Variants in CNGB3 observed in about 807,000 individuals in gnomAD.
CNGB3 encodes the protein cyclic nucleotide-gated channel beta-3.
CNGB3 carries 86 observed loss-of-function variants against 92.8 expected under a neutral mutation model. The observed-to-expected ratio is 0.93, with a 90% CI of 0.78 to 1.11. CNGB3 has a LOEUF of 1.11. Ranked by LOEUF, CNGB3 falls within the 50% of genes least tolerant of loss-of-function variation. The pLI, the probability that CNGB3 is intolerant of heterozygous loss-of-function variation, is 0.00. For missense variants in CNGB3, 1,026 were observed against 956.8 expected (o/e 1.07, Z -0.95); for synonymous variants, 333 against 332.7 (o/e 1.00, Z -0.01).
intron 3 of CNGB3, among the ~76,000 whole-genome samples, chr8:86,682,059 T>C (rs750819936): frequency 3.3e-5 from 5 of 152,210 alleles, no homozygotes; most frequent in Non-Finnish European, 5.9e-5. Context: ...GAAATTTTTC[T>C]TGGTGTAGCA....
rs186342437 is a variant in CNGB3, at chr8:86,720,656, C to T, written c.338+5875G>A. ...GCAATCCCACTACTAGGTATCTACC[C>T]GGAGGAAAAGAAGTCATTATAGCAA... On this transcript the variant is annotated intron_variant, in intron 3 of 17. Transcript: ENST00000320005. Among the ~76,000 whole-genome samples the T allele has an allele frequency of 2.3e-3, 354 of 151,968 alleles. 3 individuals carry two copies. Among genetic ancestry groups the T allele is most frequent in the African/African-American group, 7.9e-3 (327 of 41,454 alleles).
intron 11 of CNGB3, among the ~76,000 whole-genome samples, chr8:86,631,496 G>A (rs906752348): frequency 1.3e-5 from 2 of 152,042 alleles, no homozygotes; most frequent in Non-Finnish European, 2.9e-5. Context: ...TTAAACTGGA[G>A]TTTTCTCATT....
chr8:86,642,491 T>C (rs995154229), intron 10 of CNGB3, among the ~76,000 whole-genome samples: 20 of 151,726 alleles, frequency 1.3e-4, no homozygotes, highest in African/African-American at 4.3e-4. Context: ...TAATCCCTTA[T>C]ACATATCCAA....
intron 3 of CNGB3, among the ~76,000 whole-genome samples, chr8:86,677,582 TCA>T (rs1043673135): frequency 2.0e-5 from 3 of 151,962 alleles, no homozygotes; most frequent in Non-Finnish European, 4.4e-5. Flanking sequence ...AATTGGGAAG[TCA>T]CAACCTTGGA....
chr8:86,682,186 C>A (rs912473475), intron 3 of CNGB3, among the ~76,000 whole-genome samples: 1 of 152,262 alleles, frequency 6.6e-6, no homozygotes, highest in African/African-American at 2.4e-5. Flanking sequence ...GAGACATATG[C>A]TATTTCCACA....
chr8:86,666,832 G>A lies in CNGB3; in HGVS notation c.852+93C>T, dbSNP rs149034610. 9.3e-5 allele frequency: 95 copies of A among 1,022,024 alleles called. No homozygotes were observed. In the African/African-American group the frequency reaches 1.5e-3, roughly 16 times the overall value. The allele number at this position is 1,022,024 out of a possible 1,614,324, so 63.3% of individuals were successfully genotyped here. On this transcript the variant is annotated intron_variant, in intron 6 of 17. Transcript: ENST00000320005. ...TTGCAATTATCCATGCAGATAGCCA[G>A]TCAAACATTAAATAAAACAATGCTG...
intron 7 of CNGB3, among the ~76,000 whole-genome samples, chr8:86,653,578 C>T (rs1823446127): frequency 6.6e-6 from 1 of 152,088 alleles, no homozygotes; most frequent in Non-Finnish European, 1.5e-5. Flanking sequence ...AGGAAAGGAA[C>T]GTTCCATGTT....
intron 2 of CNGB3, among the ~76,000 whole-genome samples, chr8:86,738,313 A>G (rs1825281423): frequency 6.6e-6 from 1 of 152,128 alleles, no homozygotes; most frequent in African/African-American, 2.4e-5. Flanking sequence ...CAGGTGGAGG[A>G]AATTAGATTT....
chr8:86,593,777 T>C lies in CNGB3; in HGVS notation c.1781+10316A>G, dbSNP rs551288395. On this transcript the variant is annotated intron_variant, in intron 15 of 17. Coordinates refer to ENST00000320005, the MANE Select transcript of CNGB3 (RefSeq NM_019098.5). ...GCTCAGGATGCCAGGGCAGTACTTATCAATGAGCCCCTGGTAGTAGGGCCG... is the reference window on the plus strand; with the variant it reads ...GCTCAGGATGCCAGGGCAGTACTTACCAATGAGCCCCTGGTAGTAGGGCCG... The C allele has an allele frequency of 2.6e-4, 342 of 1,326,236 alleles. No individual in the cohort carries two copies. The African/African-American group carries it at 4.9e-3, about 19-fold the overall frequency. 82.2% of individuals were successfully genotyped at this position (1,326,236 alleles called of 1,614,324 possible).
Position 86,628,966 on chromosome 8 carries a change from C to T in CNGB3, c.1433G>A (p.Arg478Gln), listed in dbSNP as rs772270787. The change falls in exon 12 of 18, where the codon CGA (arginine) becomes CAA (glutamine). Residue 478 changes from arginine (R) to glutamine (Q), a missense_variant. Arg to Gln is a conservative substitution (Grantham distance 43). Transcript: ENST00000320005. ...NYSIPKLVQK[R>Q]VRTWYEYTWD... ...TGTATATTCATACCAAGTCCGAACT[C>T]GCTTTTGCACAAGTTTAGGAATGGA... The T allele has an allele frequency of 1.8e-5, 29 of 1,613,944 alleles. No individual in the cohort carries two copies. The highest frequency in any genetic ancestry group is 1.7e-4 in the Middle Eastern group (1 of 6,056).
intron 6 of CNGB3, chr8:86,659,422 C>T (rs1258867821): frequency 1.3e-5 from 9 of 685,872 alleles, no homozygotes; most frequent in Non-Finnish European, 2.4e-5. Context: ...TTTGCAGATC[C>T]TCCAAGTTGA....
At chr8:86,647,380 A>C (rs1429856767) in intron 8 of CNGB3, among the ~76,000 whole-genome samples, 3 of 150,926 alleles carry the variant, frequency 2.0e-5, no homozygotes, top group Non-Finnish European at 4.5e-5. Context: ...TAGAATTACA[A>C]AATTTAAGAT....
intron 15 of CNGB3, among the ~76,000 whole-genome samples, chr8:86,587,712 C>A (rs868361343): frequency 6.7e-6 from 1 of 149,602 alleles, no homozygotes; most frequent in Non-Finnish European, 1.5e-5. Flanking sequence ...TGTTTTGGTA[C>A]CAGTACCATG....
chr8:86,591,885 G>A (rs1373388134), intron 15 of CNGB3, among the ~76,000 whole-genome samples: 1 of 152,168 alleles, frequency 6.6e-6, no homozygotes, highest in Non-Finnish European at 1.5e-5. Context: ...GAGCTTCTGG[G>A]CTGCTTTGTT....
chr8:86,596,438 T>C (rs1295775408), intron 15 of CNGB3, among the ~76,000 whole-genome samples: 1 of 152,192 alleles, frequency 6.6e-6, no homozygotes, highest in East Asian at 1.9e-4. Context: ...CAAAGATAAA[T>C]ATAGCAGTGT....
chr8:86,576,003 C>T lies in CNGB3; in HGVS notation c.2231G>A (p.Arg744Lys), dbSNP rs762489931. ...GKENEDKDKG[R>K]EPEEKPLDRP... ...GTCCAGTGGCTTCTCTTCTGGCTCT[C>T]TTCCTTTATCTTTATCTTCATTTTC... Residue 744 changes from arginine to lysine, a missense_variant, in exon 18 of 18, where the codon AGA becomes AAA. Arg to Lys is a conservative substitution (Grantham distance 26, BLOSUM62 2). Coordinates refer to ENST00000320005, the MANE Select transcript of CNGB3 (RefSeq NM_019098.5). 6.2e-7 allele frequency: 1 copy of T among 1,613,448 alleles called. No homozygotes were observed. Among genetic ancestry groups the T allele is most frequent in the African/African-American group, 1.3e-5 (1 of 74,882 alleles).
rs758570863 is a variant in CNGB3, at chr8:86,611,597, G to C, written c.1653C>G (p.Val551=). The change falls in exon 14 of 18, where the codon GTC becomes GTG. Residue 551 remains valine, a synonymous_variant. Coordinates refer to ENST00000320005, the MANE Select transcript of CNGB3 (RefSeq NM_019098.5). ...AATAGCATGCACTCACCTTTTTGCA[G>C]ACAAAGTCACCAGGCAAATAGAGAA... ...KSVLYLPGDF[V]CKKGEIGKEM... 2 of 1,612,724 alleles carry C rather than the reference G, an allele frequency of 1.2e-6. No homozygotes were observed. Among genetic ancestry groups the C allele is most frequent in the South Asian group, 2.2e-5 (2 of 91,040 alleles).
intron 12 of CNGB3, 74 bp from the exon 13 acceptor site, chr8:86,626,154 A>G: frequency 8.8e-7 from 1 of 1,141,222 alleles, no homozygotes; most frequent in South Asian, 1.3e-5. Flanking sequence ...ACAAGTAGAA[A>G]AATTTTTAAA....
rs368342556 is a variant in CNGB3 at position 86,632,747 on chromosome 8, C to T, written c.1320+5G>A. On this transcript the variant is annotated splice_donor_5th_base_variant and intron_variant, in intron 11 of 17. Transcript: ENST00000320005. ...TGTGTATCCAGTGATTCATACTCAG[C>T]TTACCTGACCAATTAAACTGGAGAA... 2 of 1,612,848 alleles carry T rather than the reference C, an allele frequency of 1.2e-6. No homozygotes were observed. The highest frequency in any genetic ancestry group is 2.7e-5 in the African/African-American group (2 of 74,876).
Sources: allele counts gnomAD v4.1 joint callset (sites outside exome capture counted in the v4.1 genomes callset), GRCh38; gene constraint gnomAD v4.1.1; transcripts MANE v1.5; gene names NCBI Gene and HGNC (gene_info 2026-07-23, HGNC 2026-07-21).